LYST: variants seen among roughly 807,000 people sequenced by gnomAD.
LYST encodes lysosomal-trafficking regulator.
In LYST, 192 loss-of-function variants were observed where a neutral mutation model predicts 413.6. That is an observed-to-expected ratio of 0.46 (90% CI 0.41 to 0.52). LYST has a LOEUF of 0.52. LYST is among the 20% of genes least tolerant of loss of function. The pLI is 0.00. For synonymous variants in LYST, 1,525 were observed against 1,567.3 expected (o/e 0.97, Z 0.64); for missense variants, 3,815 against 4,499.9 (o/e 0.85, Z 4.35).
chr1:235,677,768 A>AT (rs1659498518), intron 48 of LYST, 149 bp from the exon 49 acceptor site: 2 of 553,114 alleles, frequency 3.6e-6, no homozygotes, highest in African/African-American at 4.0e-5. Context: ...AAAGAAAGAA[A>AT]TTAAAAAATT....
intron 44 of LYST, among the ~76,000 whole-genome samples, chr1:235,704,721 TA>T (rs145878466): frequency 0.19 from 28,990 of 152,102 alleles, 3,390 homozygotes; most frequent in Non-Finnish European, 0.27. Flanking sequence ...ACTCTATTGA[TA>T]GTTTTTTTTC....
intron 1 of LYST, among the ~76,000 whole-genome samples, chr1:235,858,529 T>C (rs1283846735): frequency 6.6e-6 from 1 of 152,184 alleles, no homozygotes; most frequent in Non-Finnish European, 1.5e-5. Flanking sequence ...GTGCCAATTT[T>C]TCCATCTCTA....
At chr1:235,765,931 C>G in intron 21 of LYST, 148 bp downstream of exon 21, 2 of 713,554 alleles carry the variant, frequency 2.8e-6, no homozygotes, top group Admixed American at 4.1e-5. Context: ...ATGTCTAGTT[C>G]ATTCTATAAC....
At chr1:235,718,143 C>T (rs569829489) in intron 40 of LYST, among the ~76,000 whole-genome samples, 24 of 151,782 alleles carry the variant, frequency 1.6e-4, no homozygotes, top group African/African-American at 5.8e-4. Flanking sequence ...GGATTACAGG[C>T]GTGAGCCACC....
chr1:235,787,094 G>T, intron 14 of LYST, 106 bp downstream of exon 14: 1 of 844,486 alleles, frequency 1.2e-6, no homozygotes, highest in Non-Finnish European at 1.9e-6. Context: ...TTTTATTATA[G>T]TAAAAACCTA....
At chr1:235,821,487 T>C (rs1274789747) in intron 3 of LYST, among the ~76,000 whole-genome samples, 2 of 152,202 alleles carry the variant, frequency 1.3e-5, no homozygotes, top group Non-Finnish European at 2.9e-5. Context: ...TCTTTGTATA[T>C]GAAAGAAATC....
intron 4 of LYST, 77 bp from the exon 5 acceptor site, chr1:235,810,611 T>A (rs1199487534): frequency 7.5e-7 from 1 of 1,324,620 alleles, no homozygotes; most frequent in African/African-American, 1.4e-5. Context: ...AGCCCTCTTA[T>A]TTATCTTAAA....
chr1:235,848,027 A>C (rs1678076633), intron 1 of LYST, among the ~76,000 whole-genome samples: 1 of 152,204 alleles, frequency 6.6e-6, no homozygotes, highest in African/African-American at 2.4e-5. Context: ...CCTTGGAACA[A>C]ATGGACTTGA....
rs75531972 is a variant in LYST at position 235,827,992 on chromosome 1, T to C, written c.192+2234A>G. The C allele has an allele frequency of 1.9e-3, 726 of 379,754 alleles. 2 individuals carry two copies. Among genetic ancestry groups the C allele is most frequent in the African/African-American group, 0.014 (656 of 45,580 alleles). The allele number at this position is 379,754 out of a possible 1,614,324, so 23.5% of individuals were successfully genotyped here. On this transcript the variant is annotated intron_variant, in intron 3 of 52. Coordinates refer to ENST00000389793, the MANE Select transcript of LYST (RefSeq NM_000081.4). ...AAAGAGATGTTCATAAAAGAAGATA[T>C]ACAAATGGCCAATAAGCAAATGAAA...
intron 39 of LYST, among the ~76,000 whole-genome samples, chr1:235,723,056 G>C (rs190238939): frequency 6.6e-6 from 1 of 152,304 alleles, no homozygotes; most frequent in East Asian, 1.9e-4. Context: ...TGAGGACAGA[G>C]CCAACAGAAC....
intron 39 of LYST, among the ~76,000 whole-genome samples, chr1:235,721,155 T>A (rs986120919): frequency 5.3e-5 from 8 of 152,020 alleles, no homozygotes; most frequent in African/African-American, 1.9e-4. Flanking sequence ...AAGAAAAAGT[T>A]TGTATAGAAA....
At chr1:235,698,336 T>C (rs535919241) in intron 45 of LYST, among the ~76,000 whole-genome samples, 2 of 152,312 alleles carry the variant, frequency 1.3e-5, no homozygotes, top group African/African-American at 4.8e-5. Flanking sequence ...GTATAGACTA[T>C]CTTTTAAAAA....
At chr1:235,730,520 G>GGT (rs1005084103) in intron 36 of LYST, among the ~76,000 whole-genome samples, 2 of 143,262 alleles carry the variant, frequency 1.4e-5, no homozygotes, top group African/African-American at 5.0e-5. Flanking sequence ...CATATATATG[G>GGT]GTATATATAT....
In LYST at chr1:235,677,622, G is replaced by C; in HGVS notation, c.10801-3C>G. ...GTCTCCATTTCTATTTCTGATGGCT[G>C]AAATTTTAAAATTAAGTATGAGATA... is the stretch of plus-strand genomic sequence containing the variant. On this transcript the variant is annotated splice_polypyrimidine_tract_variant and splice_region_variant and intron_variant, in intron 48 of 52. Coordinates refer to ENST00000389793, the MANE Select transcript of LYST (RefSeq NM_000081.4). 6.2e-7 allele frequency: 1 copy of C among 1,610,662 alleles called. No homozygotes were observed. Among genetic ancestry groups the C allele is most frequent in the Non-Finnish European group, 8.5e-7 (1 of 1,177,296 alleles).
Position 235,725,572 on chromosome 1 carries a change from T to C in LYST, c.9163-1392A>G, listed in dbSNP as rs147812111. Reference sequence around the variant, plus strand: ...AACTGTGGGCCTGCCATCATATAGATTTAGGTTAAATCCATGTCTGGATGG... The same window carrying C: ...AACTGTGGGCCTGCCATCATATAGACTTAGGTTAAATCCATGTCTGGATGG... On this transcript the variant is annotated intron_variant, in intron 38 of 52. Coordinates refer to ENST00000389793, the MANE Select transcript of LYST (RefSeq NM_000081.4). 4.6e-5 allele frequency among the ~76,000 whole-genome samples: 7 copies of C among 152,278 alleles called. No homozygotes were observed. The East Asian group carries it at 1.3e-3, about 29-fold the overall frequency.
intron 30 of LYST, among the ~76,000 whole-genome samples, chr1:235,743,035 A>G (rs1665571281): frequency 7.3e-6 from 1 of 137,218 alleles, no homozygotes. Context: ...TATGTATGTG[A>G]AAAAAAATAG....
chr1:235,819,796 C>T (rs1182118886), intron 3 of LYST, among the ~76,000 whole-genome samples: 1 of 152,146 alleles, frequency 6.6e-6, no homozygotes, highest in Non-Finnish European at 1.5e-5. Flanking sequence ...CAAGTGCCTG[C>T]CACCACGCCC....
At position 235,686,049 on chromosome 1, in the gene LYST, C is replaced by T. The variant is rs114462328; in HGVS notation, c.10800+900G>A. Among the ~76,000 whole-genome samples, 981 of 152,210 alleles carry T rather than the reference C, an allele frequency of 6.4e-3. 11 individuals carry two copies. The highest frequency in any genetic ancestry group is 0.022 in the African/African-American group (911 of 41,538). ...ACCTAAACTTGACACATATCCTCAA[C>T]TGCACCACAGGCAGTTGATTCAAGA... On this transcript the variant is annotated intron_variant, in intron 48 of 52. Coordinates refer to ENST00000389793, the MANE Select transcript of LYST (RefSeq NM_000081.4). This position sits in a 1 kb window ranked among gnomAD's most constrained non-coding sequence, Gnocchi z 4.0.
At chr1:235,801,963 A>G (rs957869713) in intron 8 of LYST, among the ~76,000 whole-genome samples, 2 of 152,122 alleles carry the variant, frequency 1.3e-5, no homozygotes, top group Non-Finnish European at 2.9e-5. Context: ...TGGGAGGCCG[A>G]GGCGGGTGGA....
Sources: allele counts gnomAD v4.1 joint callset (sites outside exome capture counted in the v4.1 genomes callset), GRCh38; gene constraint gnomAD v4.1.1; non-coding constraint Gnocchi (gnomAD v3.1); transcripts MANE v1.5; gene names NCBI Gene and HGNC (gene_info 2026-07-23, HGNC 2026-07-21).